The following WDPCP variants were observed in gnomAD, a reference collection of about 807,000 sequenced individuals.
The protein encoded by WDPCP is WD repeat containing planar cell polarity effector, also known as WD repeat-containing and planar cell polarity effector protein fritz homolog.
A neutral mutation model predicts 93.1 loss-of-function variants in WDPCP; 71 were observed. The observed-to-expected ratio is 0.76, with a 90% CI of 0.63 to 0.93. The LOEUF (loss-of-function observed/expected upper bound fraction) is 0.93, where lower values mean the gene tolerates loss of function less well. WDPCP is among the 40% of genes least tolerant of loss of function. The probability of loss-of-function intolerance (pLI) is 0.00; values close to 1 mark genes in which losing one functional copy is unlikely to be tolerated. For synonymous variants in WDPCP, 315 were observed against 315.0 expected (o/e 1.00, Z 0.00); for missense variants, 844 against 887.4 (o/e 0.95, Z 0.62).
chr2:63,814,872 T>C lies in WDPCP; in HGVS notation n.223-1165A>G, dbSNP rs144813065. Among the ~76,000 whole-genome samples the C allele has an allele frequency of 1.1e-3, 165 of 152,330 alleles. No individual in the cohort carries two copies. In the Middle Eastern group the frequency reaches 0.014, roughly 13 times the overall value. On this transcript the variant is annotated intron_variant and non_coding_transcript_variant, in intron 1 of 4. Transcript: ENST00000467687. ...GAAAATATGGTTTCAATAGGATATGTTTGTCAACTCTGATTTCAGAGGTAG... is the reference window on the plus strand; with the variant it reads ...GAAAATATGGTTTCAATAGGATATGCTTGTCAACTCTGATTTCAGAGGTAG...
intron 6 of WDPCP, among the ~76,000 whole-genome samples, chr2:63,469,044 G>A (rs1169872249): frequency 6.6e-6 from 1 of 150,716 alleles, no homozygotes; most frequent in Admixed American, 6.6e-5. Context: ...GACATGAACT[G>A]ACACTTTTCA....
chr2:63,126,564 A>G (rs1006514944), intron 17 of WDPCP, among the ~76,000 whole-genome samples: 2 of 151,442 alleles, frequency 1.3e-5, no homozygotes, highest in African/African-American at 2.4e-5. Flanking sequence ...AACCTATTTC[A>G]CTTTTTTGCC....
intron 14 of WDPCP, among the ~76,000 whole-genome samples, chr2:63,250,255 C>T (rs1460600146): frequency 2.0e-5 from 3 of 152,158 alleles, no homozygotes; most frequent in African/African-American, 7.2e-5. Flanking sequence ...GTGGCATATA[C>T]AGTGTGGGTA....
At chr2:63,563,533 T>A (rs762944014) in intron 1 of WDPCP, among the ~76,000 whole-genome samples, 1 of 152,050 alleles carries the variant, frequency 6.6e-6, no homozygotes, top group Non-Finnish European at 1.5e-5. Flanking sequence ...AGTAGATTAC[T>A]TGCTGGGACT....
At chr2:63,401,255 G>T (rs1256180902) in intron 10 of WDPCP, among the ~76,000 whole-genome samples, 2 of 151,976 alleles carry the variant, frequency 1.3e-5, no homozygotes, top group Non-Finnish European at 2.9e-5. Context: ...ATCTAACAAA[G>T]GTCTAATATC....
At chr2:63,456,203 G>A (rs934673736) in intron 6 of WDPCP, among the ~76,000 whole-genome samples, 2 of 152,044 alleles carry the variant, frequency 1.3e-5, no homozygotes, top group Non-Finnish European at 2.9e-5. Context: ...GATCACTTGA[G>A]GTCAGCAATT....
At chr2:63,408,345 G>A (rs1050481870) in intron 9 of WDPCP, among the ~76,000 whole-genome samples, 1 of 152,156 alleles carries the variant, frequency 6.6e-6, no homozygotes, top group Non-Finnish European at 1.5e-5. Flanking sequence ...GTTTGTAGGA[G>A]AGGTTTCTGA....
At chr2:63,189,350 A>G (rs970338153) in intron 14 of WDPCP, among the ~76,000 whole-genome samples, 5 of 152,282 alleles carry the variant, frequency 3.3e-5, no homozygotes, top group South Asian at 2.1e-4. Context: ...GCAAAATGCA[A>G]TGAACTCTCT....
rs77220982 is a variant in WDPCP, at chr2:63,226,012, A to G, written c.1915+33295T>C. Among the ~76,000 whole-genome samples the G allele has an allele frequency of 9.2e-5, 14 of 152,006 alleles. No individual in the cohort carries two copies. The East Asian group carries it at 2.7e-3, about 29-fold the overall frequency. ...TCAAAATTCTTTGAGTTGAACACTT[A>G]CAATATGTATATTCACTATAATAGA... On this transcript the variant is annotated intron_variant, in intron 14 of 17. Transcript: ENST00000272321.
intron 15 of WDPCP, among the ~76,000 whole-genome samples, chr2:63,173,144 T>C (rs919070964): frequency 1.3e-5 from 2 of 151,896 alleles, no homozygotes; most frequent in Admixed American, 6.6e-5. Context: ...GGTGGGCACC[T>C]GTAATCCCAG....
intron 13 of WDPCP, among the ~76,000 whole-genome samples, chr2:63,276,381 C>A (rs1276130237): frequency 2.6e-5 from 4 of 152,116 alleles, no homozygotes; most frequent in Non-Finnish European, 5.9e-5. Context: ...AAGATTAAAT[C>A]TGAATTGCCA....
chr2:63,839,538 A>G, the WDPCP span, among the ~76,000 whole-genome samples: 3 of 152,274 alleles, frequency 2.0e-5, no homozygotes, highest in Non-Finnish European at 4.4e-5. Flanking sequence ...AGCCTGGGCG[A>G]CAGAGCAAGA....
intron 2 of WDPCP, among the ~76,000 whole-genome samples, chr2:63,657,291 G>T (rs896525212): frequency 7.1e-6 from 1 of 139,914 alleles, no homozygotes; most frequent in Non-Finnish European, 1.5e-5. Flanking sequence ...TGCAAGCTCC[G>T]CCTCCTGGGT....
At chr2:63,135,539 C>A (rs1292255203) in intron 17 of WDPCP, among the ~76,000 whole-genome samples, 1 of 152,010 alleles carries the variant, frequency 6.6e-6, no homozygotes, top group Non-Finnish European at 1.5e-5. Context: ...ACCATGTTGG[C>A]CAGGCTGATC....
intron 6 of WDPCP, among the ~76,000 whole-genome samples, chr2:63,471,932 T>C (rs1000530748): frequency 2.6e-5 from 4 of 151,968 alleles, no homozygotes; most frequent in Admixed American, 6.6e-5. Flanking sequence ...AATGACAATT[T>C]AGAATTTTTT....
chr2:63,205,897 T>C (rs2104370996), intron 14 of WDPCP, among the ~76,000 whole-genome samples: 1 of 152,352 alleles, frequency 6.6e-6, no homozygotes, highest in East Asian at 1.9e-4. Context: ...ATCCTTGTTG[T>C]GTCCCCATAC....
chr2:63,550,397 T>C (rs967661470), intron 1 of WDPCP, among the ~76,000 whole-genome samples: 3 of 152,210 alleles, frequency 2.0e-5, no homozygotes, highest in Admixed American at 2.0e-4. Flanking sequence ...TCCTTGTTCC[T>C]AAAGCTAATG....
intron 14 of WDPCP, among the ~76,000 whole-genome samples, chr2:63,187,172 T>A (rs1674705284): frequency 6.6e-6 from 1 of 152,246 alleles, no homozygotes; most frequent in South Asian, 2.1e-4. Context: ...CTCATATTAG[T>A]ATAGATATCC....
At chr2:63,482,762 C>T (rs1347087015) in intron 6 of WDPCP, among the ~76,000 whole-genome samples, 1 of 151,840 alleles carries the variant, frequency 6.6e-6, no homozygotes, top group African/African-American at 2.4e-5. Context: ...AAATATACCA[C>T]ATCAAGAATG....
Sources: allele counts gnomAD v4.1 joint callset (sites outside exome capture counted in the v4.1 genomes callset), GRCh38; gene constraint gnomAD v4.1.1; transcripts MANE v1.5; gene names NCBI Gene and HGNC (gene_info 2026-07-23, HGNC 2026-07-21).